The following SMG7 variants were observed in gnomAD, a reference collection of about 807,000 sequenced individuals.
SMG7 encodes nonsense-mediated mRNA decay factor SMG7.
In SMG7, 34 loss-of-function variants were observed where a neutral mutation model predicts 148.2. That is an observed-to-expected ratio of 0.23 (90% CI 0.17 to 0.31). The LOEUF (loss-of-function observed/expected upper bound fraction) is 0.31. SMG7 is among the 10% of genes least tolerant of loss of function. The pLI, the probability that SMG7 is intolerant of heterozygous loss-of-function variation, is 1.00. For synonymous variants in SMG7, 492 were observed against 515.1 expected (o/e 0.96, Z 0.61); for missense variants, 1,114 against 1,408.4 (o/e 0.79, Z 3.35).
intron 1 of SMG7, among the ~76,000 whole-genome samples, chr1:183,485,478 T>C (rs1026816497): frequency 2.6e-5 from 4 of 152,206 alleles, no homozygotes; most frequent in Admixed American, 6.5e-5. Context: ...TTGCTTTATC[T>C]TACTGACTAG....
At chr1:183,523,536 G>A (rs1024774516) in intron 4 of SMG7, among the ~76,000 whole-genome samples, 1 of 152,180 alleles carries the variant, frequency 6.6e-6, no homozygotes, top group Non-Finnish European at 1.5e-5. Flanking sequence ...ATCAGACTGA[G>A]GAAACTACTA....
intron 2 of SMG7, among the ~76,000 whole-genome samples, chr1:183,514,698 C>G (rs1009468310): frequency 6.6e-6 from 1 of 152,194 alleles, no homozygotes; most frequent in East Asian, 1.9e-4. Flanking sequence ...GAATGATGGT[C>G]TTGATAGATG....
chr1:183,507,458 C>T (rs1233079859), intron 1 of SMG7, among the ~76,000 whole-genome samples: 4 of 151,990 alleles, frequency 2.6e-5, no homozygotes, highest in African/African-American at 7.3e-5. Flanking sequence ...AGGAGTTATA[C>T]TCTGGAGCCA....
chr1:183,483,021 A>G (rs954206324), intron 1 of SMG7, among the ~76,000 whole-genome samples: 21 of 152,300 alleles, frequency 1.4e-4, no homozygotes, highest in African/African-American at 4.6e-4. Context: ...CAAGTCATAA[A>G]GAAGAAAAAC....
intron 1 of SMG7, among the ~76,000 whole-genome samples, chr1:183,493,230 C>A (rs900486262): frequency 4.6e-5 from 7 of 152,170 alleles, no homozygotes; most frequent in African/African-American, 1.7e-4. Context: ...TGGCCTCAGC[C>A]TCCCAAAGTG....
At chr1:183,520,206 A>C (rs1167135148) in intron 4 of SMG7, among the ~76,000 whole-genome samples, 3 of 152,158 alleles carry the variant, frequency 2.0e-5, no homozygotes, top group African/African-American at 7.2e-5. Flanking sequence ...GTAGAATGGA[A>C]ACACAAAATG....
At chr1:183,503,429 T>C (rs887296785) in intron 1 of SMG7, among the ~76,000 whole-genome samples, 7 of 152,158 alleles carry the variant, frequency 4.6e-5, no homozygotes, top group African/African-American at 1.7e-4. Context: ...TAAAAAAAAA[T>C]AACATCCTGA....
At chr1:183,544,623 T>C in intron 15 of SMG7, 126 bp downstream of exon 15, 10 of 1,004,586 alleles carry the variant, frequency 1.0e-5, no homozygotes, top group Non-Finnish European at 1.5e-5. Flanking sequence ...TTTTCCCTAA[T>C]ACTTATAAAA....
Position 183,552,086 on chromosome 1 carries a change from C to A in SMG7, c.*155C>A. 1 of 1,319,426 alleles carries A rather than the reference C, an allele frequency of 7.6e-7. No individual in the cohort carries two copies. Among genetic ancestry groups the A allele is most frequent in the Non-Finnish European group, 9.8e-7 (1 of 1,022,932 alleles). The allele number at this position is 1,319,426 out of a possible 1,614,324, so 81.7% of individuals were successfully genotyped here. A position where few individuals can be genotyped will look rare whatever the true frequency, so the allele number is the denominator to read the frequency against. On this transcript the variant is annotated 3_prime_UTR_variant, in exon 23 of 23. Transcript: ENST00000688051. ...ATTCCACCAGCCCGCTGAGTGTGCA[C>A]GAAATGTTCGCAGTGCAACAAAAAG...
chr1:183,545,874 A>ATTC (rs1669836179), intron 16 of SMG7, 92 bp from the exon 17 acceptor site: 26 of 1,451,092 alleles, frequency 1.8e-5, no homozygotes, highest in Non-Finnish European at 2.3e-5. Flanking sequence ...TTGGTTGGAA[A>ATTC]ACACCCCAAG....
chr1:183,551,279 C>A, intron 22 of SMG7, 89 bp downstream of exon 22: 1 of 1,339,806 alleles, frequency 7.5e-7, no homozygotes, highest in Non-Finnish European at 1.0e-6. Flanking sequence ...ACTTCTCAGG[C>A]CCTCGGAGTT....
chr1:183,517,800 G>T lies in SMG7; in HGVS notation c.292G>T (p.Ala98Ser), dbSNP rs1299540764. 1 of 1,614,094 alleles carries T rather than the reference G, an allele frequency of 6.2e-7. No individual in the cohort carries two copies. Among genetic ancestry groups the T allele is most frequent in the East Asian group, 2.2e-5 (1 of 44,886 alleles). Reference protein sequence around the residue: ...QANLSLFLEAASGFYTQLLQE... With the variant: ...QANLSLFLEASSGFYTQLLQE... ...AAACCTTTCTCTGTTCCTAGAGGCA[G>T]CTAGTGGCTTCTATACTCAGGTGAG... The change falls in exon 4 of 23, where the codon GCT becomes TCT. Residue 98 changes from alanine to serine, a missense_variant. By Grantham distance (99) the Ala-to-Ser change is moderately conservative. Coordinates refer to ENST00000688051, the MANE Select transcript of SMG7 (RefSeq NM_001375584.1).
chr1:183,494,724 T>G (rs1344227042), intron 1 of SMG7, among the ~76,000 whole-genome samples: 1 of 151,162 alleles, frequency 6.6e-6, no homozygotes, highest in Non-Finnish European at 1.5e-5. Context: ...TGGCTTGTCT[T>G]TTTTCTGATA....
At chr1:183,474,283 C>T (rs1651533022) in intron 1 of SMG7, among the ~76,000 whole-genome samples, 1 of 152,214 alleles carries the variant, frequency 6.6e-6, no homozygotes, top group South Asian at 2.1e-4. Context: ...CCAAACGTTG[C>T]CGGGCACGGG....
chr1:183,477,496 ATG>A (rs1358273643), intron 1 of SMG7, among the ~76,000 whole-genome samples: 1 of 150,938 alleles, frequency 6.6e-6, no homozygotes, highest in Non-Finnish European at 1.5e-5. Context: ...GTGTGTGCAT[ATG>A]TGTATATATG....
Position 183,538,372 on chromosome 1 carries a change from C to T in SMG7, c.1235-8C>T. On this transcript the variant is annotated splice_region_variant and splice_polypyrimidine_tract_variant and intron_variant, in intron 11 of 22. Coordinates refer to ENST00000688051, the MANE Select transcript of SMG7 (RefSeq NM_001375584.1). ...AAATGTTTGCAAATTTTGATTTTGA[C>T]CCTTTAGCGACACCACTTCCAGAGG... 2 of 1,609,116 alleles carry T rather than the reference C, an allele frequency of 1.2e-6. No homozygotes were observed. Among genetic ancestry groups the T allele is most frequent in the Non-Finnish European group, 1.7e-6 (2 of 1,175,678 alleles).
intron 19 of SMG7, 64 bp from the exon 20 acceptor site, chr1:183,549,700 C>T (rs1343069095): frequency 2.2e-6 from 3 of 1,335,032 alleles, no homozygotes; most frequent in East Asian, 2.3e-5. Flanking sequence ...ATGAACAAGA[C>T]ATTGGATTTT....
intron 20 of SMG7, 27 bp downstream of exon 20, chr1:183,549,950 C>G: frequency 6.5e-7 from 1 of 1,536,826 alleles, no homozygotes; most frequent in Admixed American, 1.7e-5. Context: ...AAATTATAGA[C>G]CTTACATTTC....
chr1:183,520,858 T>C (rs1664602793), intron 4 of SMG7, among the ~76,000 whole-genome samples: 1 of 152,118 alleles, frequency 6.6e-6, no homozygotes, highest in East Asian at 1.9e-4. Flanking sequence ...AATAATAAAA[T>C]CATGTAAATG....
Sources: gnomAD v4.1 joint callset for allele counts (sites outside exome capture counted in the v4.1 genomes callset) on GRCh38, gnomAD v4.1.1 for gene constraint, MANE v1.5 for transcripts, NCBI Gene and HGNC (gene_info 2026-07-23, HGNC 2026-07-21) for gene names.